Variants in PROKR2 observed in about 807,000 individuals in gnomAD.
PROKR2 encodes prokineticin receptor 2, also known as G protein-coupled receptor 73-like 1.
In PROKR2, 26 loss-of-function variants were observed where a neutral mutation model predicts 23.4. The observed-to-expected ratio is 1.11, with a 90% confidence interval of 0.81 to 1.54. PROKR2 has a LOEUF of 1.54. Ranked by LOEUF, PROKR2 falls within the 40% of genes most tolerant of loss-of-function variation. The probability of loss-of-function intolerance (pLI) is 0.00; values close to 1 mark genes in which losing one functional copy is unlikely to be tolerated. For missense variants in PROKR2, 453 were observed against 511.5 expected (o/e 0.89, Z 1.10); for synonymous variants, 212 against 201.2 (o/e 1.05, Z -0.45).
At chr20:5,314,409 G>T in intron 1 of PROKR2, 32 bp from the exon 2 acceptor site, 2 of 1,561,088 alleles carry the variant, frequency 1.3e-6, no homozygotes, top group South Asian at 1.1e-5. Context: ...GGAGGTGCGA[G>T]GGGTGAGGGT....
At chr20:5,308,824 T>C (rs1479523046) in intron 2 of PROKR2, among the ~76,000 whole-genome samples, 1 of 152,208 alleles carries the variant, frequency 6.6e-6, no homozygotes, top group Non-Finnish European at 1.5e-5. Flanking sequence ...TGTTATTTCT[T>C]CCTGTCCCTG....
Position 5,314,020 on chromosome 20 carries a change from C to A in PROKR2, c.350G>T (p.Arg117Leu). ...GTGGCCATGCTCCCAGGAGAGCTGC[C>A]GTACCACGTAGTAGTCCATCTCGAA... The part of the protein sequence containing the change: ...CPFEMDYYVV[R>L]QLSWEHGHVL... The change falls in exon 2 of 3, where the codon CGG becomes CTG. Residue 117 changes from arginine (R) to leucine (L), a missense_variant. By Grantham distance (102) the Arg-to-Leu change is moderately radical (BLOSUM62 -2). Coordinates refer to ENST00000678254, the MANE Select transcript of PROKR2 (RefSeq NM_144773.4). The A allele has an allele frequency of 6.2e-7, 1 of 1,614,128 alleles. No homozygotes were observed. The highest frequency in any genetic ancestry group is 8.5e-7 in the Non-Finnish European group (1 of 1,180,010).
chr20:5,301,432 A>AT lies in PROKR2; in HGVS notation c.*607dup, dbSNP rs1324884202. Among the ~76,000 whole-genome samples, 2 of 152,106 alleles carry AT rather than the reference A, an allele frequency of 1.3e-5. No individual in the cohort carries two copies. The highest frequency in any genetic ancestry group is 4.8e-5 in the African/African-American group (2 of 41,418). ...TTTTTAGTAGAGACAGGGTTTCACC[A>AT]TGTTGGCCAGCCTGGGTTGAACTCC... On this transcript the variant is annotated 3_prime_UTR_variant, in exon 3 of 3. Transcript: ENST00000678254.
At chr20:5,308,192 G>GT (rs1979294285) in intron 2 of PROKR2, among the ~76,000 whole-genome samples, 1 of 106,846 alleles carries the variant, frequency 9.4e-6, no homozygotes, top group Non-Finnish European at 2.0e-5. Context: ...TTGGGAACAG[G>GT]CCCCCCCCCC....
At chr20:5,315,786 C>T in intron 1 of PROKR2, 1 of 453,632 alleles carries the variant, frequency 2.2e-6, no homozygotes, top group Non-Finnish European at 4.4e-6. Context: ...GGTCGCCCCT[C>T]CGTCTCATGC....
chr20:5,312,256 G>A (rs933190998), intron 2 of PROKR2, among the ~76,000 whole-genome samples: 1 of 152,118 alleles, frequency 6.6e-6, no homozygotes, highest in Non-Finnish European at 1.5e-5. Flanking sequence ...ACAGGCACCC[G>A]CCACCACGCC....
At chr20:5,308,786 C>T (rs554765668) in intron 2 of PROKR2, among the ~76,000 whole-genome samples, 57 of 152,348 alleles carry the variant, frequency 3.7e-4, no homozygotes, top group African/African-American at 1.3e-3. Context: ...TTCCAAGTCT[C>T]TGACTGGACT....
At position 5,313,941 on chromosome 20, in the gene PROKR2, G is replaced by C. The variant is rs761547140; in HGVS notation, c.429C>G (p.Thr143=). The C allele has an allele frequency of 1.9e-6, 3 of 1,614,104 alleles. No homozygotes were observed. ...CAATGGCAATGGCCAGCAAGGCATT[G>C]GTGGAGACGTAGAGGGAGACGGTGC... ...YLRTVSLYVS[T]NALLAIAIDR... Residue 143 remains threonine, a synonymous_variant, in exon 2 of 3, where the codon ACC becomes ACG. Coordinates refer to ENST00000678254, the MANE Select transcript of PROKR2 (RefSeq NM_144773.4).
chr20:5,315,235 G>GAATTCCATGCAAAAAAAAAAAA (rs1330572086), intron 1 of PROKR2, among the ~76,000 whole-genome samples: 1 of 150,082 alleles, frequency 6.7e-6, no homozygotes, highest in Non-Finnish European at 1.5e-5. Flanking sequence ...ACCAGCTCCA[G>GAATTCCATGCAAAAAAAAAAAA]AAAGAAATCC....
chr20:5,301,939 T>C lies in PROKR2; in HGVS notation c.*101A>G. 1 of 1,102,120 alleles carries C rather than the reference T, an allele frequency of 9.1e-7. No individual in the cohort carries two copies. Among genetic ancestry groups the C allele is most frequent in the African/African-American group, 1.5e-5 (1 of 64,946 alleles). 68.3% of individuals were successfully genotyped at this position (1,102,120 alleles called of 1,614,324 possible). ...GCTTCTTGAGGGCACGGGGGAGGCA[T>C]GAACACAGATGTCATTTCCCATGCA... is the stretch of plus-strand genomic sequence containing the variant. On this transcript the variant is annotated 3_prime_UTR_variant, in exon 3 of 3. Coordinates refer to ENST00000678254, the MANE Select transcript of PROKR2 (RefSeq NM_144773.4).
intron 1 of PROKR2, chr20:5,315,753 C>A: frequency 2.3e-6 from 1 of 430,538 alleles, no homozygotes; most frequent in Non-Finnish European, 4.7e-6. Context: ...GTGGCGTCCA[C>A]ACCCGGAGGT....
intron 2 of PROKR2, among the ~76,000 whole-genome samples, chr20:5,309,128 G>C (rs1017912012): frequency 6.6e-6 from 1 of 152,240 alleles, no homozygotes; most frequent in African/African-American, 2.4e-5. Context: ...CACAGGGCTG[G>C]AGAGTGGAAC....
In PROKR2 at chr20:5,316,450, C is replaced by T; in HGVS notation, c.-9+44G>A. On this transcript the variant is annotated intron_variant, in intron 1 of 2. Transcript: ENST00000678254. The surrounding 1 kb of genome is among the most constrained non-coding windows in gnomAD (Gnocchi z 5.0). Reference sequence around the variant, plus strand: ...GGCCCTTGTCCTAGCGACTCCCCCACCGCACCGACTGAGTCCCGGGACTGC... The same window carrying T: ...GGCCCTTGTCCTAGCGACTCCCCCATCGCACCGACTGAGTCCCGGGACTGC... 6.7e-6 allele frequency: 3 copies of T among 448,684 alleles called. No individual in the cohort carries two copies. The Middle Eastern group carries it at 9.9e-4, about 147-fold the overall frequency. 27.8% of individuals were successfully genotyped at this position (448,684 alleles called of 1,614,324 possible).
intron 2 of PROKR2, among the ~76,000 whole-genome samples, chr20:5,312,536 C>T (rs549798755): frequency 2.0e-5 from 3 of 152,076 alleles, no homozygotes; most frequent in African/African-American, 7.2e-5. Flanking sequence ...GTAGCAAAAT[C>T]GTTTTTCCTG....
chr20:5,312,916 C>T (rs1035962999), intron 2 of PROKR2, among the ~76,000 whole-genome samples: 8 of 152,106 alleles, frequency 5.3e-5, no homozygotes, highest in African/African-American at 7.2e-5. Flanking sequence ...GGGCTGGTGA[C>T]GAGGAATAAG....
chr20:5,309,621 C>T (rs62203832), intron 2 of PROKR2, among the ~76,000 whole-genome samples: 77,584 of 151,994 alleles, frequency 0.51, 20,106 homozygotes, highest in African/African-American at 0.61. Flanking sequence ...TCTGCTACCT[C>T]AATTCCCCTT....
At chr20:5,312,624 T>G (rs1183516682) in intron 2 of PROKR2, among the ~76,000 whole-genome samples, 1 of 152,146 alleles carries the variant, frequency 6.6e-6, no homozygotes, top group Middle Eastern at 3.2e-3. Context: ...TGAAAAATAT[T>G]AAACTGGCTG....
chr20:5,315,235 G>GAATTCCATGCAAAAAAAAAAAAAAAAA (rs1330572086), intron 1 of PROKR2, among the ~76,000 whole-genome samples: 14 of 150,186 alleles, frequency 9.3e-5, no homozygotes, highest in Non-Finnish European at 1.2e-4. Flanking sequence ...ACCAGCTCCA[G>GAATTCCATGCAAAAAAAAAAAAAAAAA]AAAGAAATCC....
intron 1 of PROKR2, chr20:5,315,997 G>A: frequency 2.2e-6 from 1 of 456,636 alleles, no homozygotes; most frequent in Non-Finnish European, 4.4e-6. Context: ...CCATCAACGC[G>A]GCCGCACTGT....
Sources: gnomAD v4.1 joint callset for allele counts (sites outside exome capture counted in the v4.1 genomes callset) on GRCh38, gnomAD v4.1.1 for gene constraint, Gnocchi (gnomAD v3.1) non-coding constraint, MANE v1.5 for transcripts, NCBI Gene and HGNC (gene_info 2026-07-23, HGNC 2026-07-21) for gene names.